DDX43: variants seen among roughly 807,000 people sequenced by gnomAD.
The protein encoded by DDX43 is probable ATP-dependent RNA helicase DDX43.
In DDX43, 50 loss-of-function variants were observed where a neutral mutation model predicts 84.9. The observed-to-expected ratio is 0.59, with a 90% CI of 0.47 to 0.75. The LOEUF (loss-of-function observed/expected upper bound fraction) is 0.75. Among genes scored for constraint, DDX43 ranks in the 30% least tolerant of loss-of-function variants. DDX43 has a pLI of 0.00. For synonymous variants in DDX43, 291 were observed against 266.3 expected, an observed-to-expected ratio of 1.09 and a Z score of -0.90; for missense variants, 689 against 798.6, an observed-to-expected ratio of 0.86 and a Z score of 1.65.
At chr6:73,396,984 T>G (rs565131498) in intron 1 of DDX43, among the ~76,000 whole-genome samples, 1 of 152,350 alleles carries the variant, frequency 6.6e-6, no homozygotes, top group South Asian at 2.1e-4. Context: ...AATGGGTAGC[T>G]TCCACCTTTT....
intron 14 of DDX43, 25 bp from the exon 15 acceptor site, chr6:73,415,472 T>G: frequency 2.6e-6 from 4 of 1,524,182 alleles, no homozygotes; most frequent in African/African-American, 1.4e-5. Flanking sequence ...AATGAATACA[T>G]GAGTTTTTTT....
In DDX43 at chr6:73,395,166, G is replaced by T. The variant is rs756650648; in HGVS notation, c.250+11G>T. On this transcript the variant is annotated intron_variant, in intron 1 of 16. Coordinates refer to ENST00000370336, the MANE Select transcript of DDX43 (RefSeq NM_018665.3). ...TTGGCGCGGTAATCGGTGAGAATGGGAGTGGCTGGCAGGGCAGGATAGGTG... is the reference window on the plus strand; with the variant it reads ...TTGGCGCGGTAATCGGTGAGAATGGTAGTGGCTGGCAGGGCAGGATAGGTG... The T allele has an allele frequency of 6.2e-7, 1 of 1,601,304 alleles. No homozygotes were observed. Among genetic ancestry groups the T allele is most frequent in the South Asian group, 1.1e-5 (1 of 89,868 alleles).
intron 8 of DDX43, 136 bp downstream of exon 8, chr6:73,407,751 C>T (rs1179091022): frequency 6.3e-6 from 5 of 790,456 alleles, no homozygotes; most frequent in Admixed American, 2.6e-5. Context: ...TAGCACTACT[C>T]TAATCAGTCA....
rs536314099 is a variant in DDX43 at position 73,402,207 on chromosome 6, C to T, written c.568+217C>T. Among the ~76,000 whole-genome samples, 8 of 152,136 alleles carry T rather than the reference C, an allele frequency of 5.3e-5. No homozygotes were observed. In the East Asian group the frequency reaches 9.6e-4, roughly 18 times the overall value. On this transcript the variant is annotated intron_variant, in intron 4 of 16. Transcript: ENST00000370336. ...ATTAAACCTATTTATAGTCTGTCAG[C>T]GGTAATTCACTGCAAAGGGCTAATA...
intron 12 of DDX43, 27 bp from the exon 13 acceptor site, chr6:73,413,943 G>T: frequency 6.4e-7 from 1 of 1,568,364 alleles, no homozygotes; most frequent in South Asian, 1.1e-5. Context: ...AAGCACCTAA[G>T]AATGCTGAGT....
At chr6:73,411,427 C>G (rs1016664719) in intron 10 of DDX43, among the ~76,000 whole-genome samples, 2 of 150,658 alleles carry the variant, frequency 1.3e-5, no homozygotes, top group Non-Finnish European at 2.9e-5. Context: ...TTCCCAGATT[C>G]AAGTGATTCT....
chr6:73,414,035 G>A lies in DDX43; in HGVS notation c.1562G>A (p.Arg521Lys), dbSNP rs139170485. The A allele has an allele frequency of 3.1e-6, 5 of 1,610,830 alleles. No homozygotes were observed. Among genetic ancestry groups the A allele is most frequent in the Non-Finnish European group, 4.2e-6 (5 of 1,177,098 alleles). The change falls in exon 13 of 17, where the codon AGA becomes AAA. Residue 521 changes from arginine to lysine, a missense_variant. By Grantham distance (26) the Arg-to-Lys change is conservative (BLOSUM62 2). Around this residue, in one of 2 missense-constraint regions of DDX43, gnomAD observed 552 missense variants for 692.7 expected, o/e 0.80. Transcript: ENST00000370336. ...NISVESLHGD[R>K]EQRDREKALE... Reference sequence around the variant, plus strand: ...TCAGTAGAGTCTCTGCATGGAGATAGAGAACAGAGAGATCGGGAGAAAGCA... The same window carrying A: ...TCAGTAGAGTCTCTGCATGGAGATAAAGAACAGAGAGATCGGGAGAAAGCA...
chr6:73,405,060 G>T (rs1305086457), intron 5 of DDX43, among the ~76,000 whole-genome samples: 1 of 151,594 alleles, frequency 6.6e-6, no homozygotes, highest in East Asian at 1.9e-4. Context: ...TGTGGCTAGT[G>T]CCTACTATAT....
chr6:73,414,049 C>T lies in DDX43; in HGVS notation c.1576C>T (p.Arg526Trp), dbSNP rs538864787. ...GCATGGAGATAGAGAACAGAGAGAT[C>T]GGGAGAAAGCATTAGAGAACTTTAA... Reference protein sequence around the residue: ...SLHGDREQRDREKALENFKTG... With the variant: ...SLHGDREQRDWEKALENFKTG... The change falls in exon 13 of 17, where the codon CGG becomes TGG. Residue 526 changes from arginine (R) to tryptophan (W), a missense_variant. This residue lies in a region of DDX43 where 552 missense variants were observed against 692.7 expected (regional missense o/e 0.80). Coordinates refer to ENST00000370336, the MANE Select transcript of DDX43 (RefSeq NM_018665.3). 9 of 1,606,704 alleles carry T rather than the reference C, an allele frequency of 5.6e-6. No homozygotes were observed. Among genetic ancestry groups the T allele is most frequent in the South Asian group, 1.1e-5 (1 of 90,886 alleles).
chr6:73,411,063 C>T (rs1011952363), intron 10 of DDX43, among the ~76,000 whole-genome samples: 6 of 150,304 alleles, frequency 4.0e-5, no homozygotes, highest in Admixed American at 1.3e-4. Context: ...ATAGTCCCAG[C>T]TACTCGGGAG....
Position 73,404,294 on chromosome 6 carries a change from T to C in DDX43, c.569-396T>C, listed in dbSNP as rs1769633313. ...TTTTTAGTAGAGATGGGTTTCACCA[T>C]GTTGGTTAGGCTCGTCTCAAACTCC... On this transcript the variant is annotated intron_variant, in intron 4 of 16. Coordinates refer to ENST00000370336, the MANE Select transcript of DDX43 (RefSeq NM_018665.3). Among the ~76,000 whole-genome samples the C allele has an allele frequency of 5.3e-5, 8 of 152,254 alleles. No homozygotes were observed. In the South Asian group the frequency reaches 1.7e-3, roughly 32 times the overall value.
At chr6:73,403,675 G>A (rs1769619154) in intron 4 of DDX43, among the ~76,000 whole-genome samples, 1 of 151,870 alleles carries the variant, frequency 6.6e-6, no homozygotes, top group Non-Finnish European at 1.5e-5. Flanking sequence ...TTTTTTTGAG[G>A]GTTTCACTCT....
intron 6 of DDX43, among the ~76,000 whole-genome samples, 177 bp downstream of exon 6, chr6:73,406,012 C>CA (rs1769672730): frequency 6.8e-6 from 1 of 147,006 alleles, no homozygotes; most frequent in African/African-American, 2.5e-5. Flanking sequence ...GAACAGTTGG[C>CA]AAAAAATATG....
intron 2 of DDX43, among the ~76,000 whole-genome samples, chr6:73,399,073 G>A (rs1363561232): frequency 6.6e-6 from 1 of 152,096 alleles, no homozygotes; most frequent in Non-Finnish European, 1.5e-5. Context: ...AGCTTCCAGA[G>A]TAGCTGGGAT....
At chr6:73,402,016 A>G (rs776871743) in intron 4 of DDX43, 26 bp downstream of exon 4, 2 of 1,611,168 alleles carry the variant, frequency 1.2e-6, no homozygotes, top group South Asian at 2.2e-5. Context: ...TAATATTTAC[A>G]TATATTGTTT....
At chr6:73,405,030 A>C (rs867115608) in intron 5 of DDX43, among the ~76,000 whole-genome samples, 1 of 152,284 alleles carries the variant, frequency 6.6e-6, no homozygotes, top group South Asian at 2.1e-4. Context: ...GAATGTTTAT[A>C]TGAAATTGAA....
chr6:73,397,590 G>A, intron 1 of DDX43, 99 bp from the exon 2 acceptor site: 3 of 926,194 alleles, frequency 3.2e-6, no homozygotes, highest in Non-Finnish European at 5.1e-6. Context: ...AGGAGCATTT[G>A]GGGGGAAGAA....
At chr6:73,412,005 T>A (rs1374775528) in intron 10 of DDX43, among the ~76,000 whole-genome samples, 200 bp from the exon 11 acceptor site, 1 of 152,248 alleles carries the variant, frequency 6.6e-6, no homozygotes, top group Non-Finnish European at 1.5e-5. Flanking sequence ...GCCAAAAACC[T>A]ATTTATTAAA....
chr6:73,409,190 A>G (rs1191389797), intron 9 of DDX43, 58 bp from the exon 10 acceptor site: 2 of 1,238,328 alleles, frequency 1.6e-6, no homozygotes, highest in East Asian at 2.3e-5. Context: ...AAGAAAGCAT[A>G]TGTATTATTA....
Sources: allele counts gnomAD v4.1 joint callset (sites outside exome capture counted in the v4.1 genomes callset), GRCh38; gene constraint gnomAD v4.1.1; regional missense constraint gnomAD v4.1.1; transcripts MANE v1.5; gene names NCBI Gene and HGNC (gene_info 2026-07-23, HGNC 2026-07-21).